Variants in RAB28 observed in about 807,000 individuals in gnomAD.
The protein encoded by RAB28 is ras-related protein Rab-28.
Under a neutral mutation model 31.7 loss-of-function variants are expected in RAB28, and 24 were observed. The ratio of observed to expected loss-of-function variants is 0.76; its 90% CI spans 0.55 to 1.06. The LOEUF is 1.06. RAB28 is among the 50% of genes least tolerant of loss of function. The pLI is 0.00. For missense variants in RAB28, 254 were observed against 258.5 expected, an observed-to-expected ratio of 0.98 and a Z score of 0.12; for synonymous variants, 100 against 90.4, an observed-to-expected ratio of 1.11 and a Z score of -0.60.
chr4:13,419,174 G>T (rs184572854), intron 4 of RAB28, among the ~76,000 whole-genome samples: 17 of 152,182 alleles, frequency 1.1e-4, no homozygotes, highest in African/African-American at 3.9e-4. Flanking sequence ...TAATGGTAAA[G>T]GGATCAATTC....
At chr4:13,411,948 CA>C (rs1373619585) in intron 4 of RAB28, among the ~76,000 whole-genome samples, 1 of 148,560 alleles carries the variant, frequency 6.7e-6, no homozygotes, top group African/African-American at 2.5e-5. Context: ...TTATGAGAGA[CA>C]AAATGATTCT....
At chr4:13,419,001 G>A (rs917220866) in intron 4 of RAB28, among the ~76,000 whole-genome samples, 11 of 152,084 alleles carry the variant, frequency 7.2e-5, no homozygotes, top group Non-Finnish European at 1.3e-4. Flanking sequence ...GTATTCAGGA[G>A]ACCCATCTCA....
intron 4 of RAB28, among the ~76,000 whole-genome samples, chr4:13,433,645 T>A (rs962347755): frequency 8.6e-5 from 13 of 150,950 alleles, no homozygotes; most frequent in Non-Finnish European, 1.9e-4. Flanking sequence ...ATTGAAAAGT[T>A]AAAAAAAAAT....
intron 4 of RAB28, among the ~76,000 whole-genome samples, chr4:13,391,027 A>T (rs1012630138): frequency 9.2e-5 from 14 of 152,328 alleles, no homozygotes; most frequent in Admixed American, 9.1e-4. Context: ...ACCAAAAGCA[A>T]TGGCAACAAA....
At chr4:13,412,513 G>A (rs1712498360) in intron 4 of RAB28, among the ~76,000 whole-genome samples, 1 of 152,078 alleles carries the variant, frequency 6.6e-6, no homozygotes, top group Admixed American at 6.6e-5. Flanking sequence ...TGACCTCTCT[G>A]TTCTAAGAGC....
chr4:13,397,143 C>T (rs1429054547), intron 4 of RAB28, among the ~76,000 whole-genome samples: 1 of 151,992 alleles, frequency 6.6e-6, no homozygotes, highest in East Asian at 1.9e-4. Context: ...CTACACAGGG[C>T]TGAAAATTAA....
chr4:13,460,019 A>C, intron 4 of RAB28: 3 of 684,650 alleles, frequency 4.4e-6, no homozygotes, highest in South Asian at 3.0e-5. Flanking sequence ...CCACGCATCA[A>C]AACAGTTATT....
intron 4 of RAB28, among the ~76,000 whole-genome samples, chr4:13,413,737 C>T (rs1191106230): frequency 6.6e-6 from 1 of 151,622 alleles, no homozygotes; most frequent in East Asian, 1.9e-4. Flanking sequence ...GGATATAATC[C>T]CAGATGAGGA....
At chr4:13,384,235 C>T (rs767929426) in intron 4 of RAB28, among the ~76,000 whole-genome samples, 2 of 152,202 alleles carry the variant, frequency 1.3e-5, no homozygotes, top group African/African-American at 2.4e-5. Context: ...CACCCGACCC[C>T]CATGCTAATA....
chr4:13,412,121 T>C (rs1239208750), intron 4 of RAB28, among the ~76,000 whole-genome samples: 1 of 151,846 alleles, frequency 6.6e-6, no homozygotes, highest in African/African-American at 2.4e-5. Context: ...GCAAATTCAG[T>C]CAAGGTAAAC....
intron 4 of RAB28, among the ~76,000 whole-genome samples, chr4:13,407,223 A>G (rs903180697): frequency 3.3e-5 from 5 of 152,208 alleles, no homozygotes; most frequent in African/African-American, 1.2e-4. Flanking sequence ...TTTTCTGCAT[A>G]TGGCTAGCCA....
chr4:13,368,410 T>C lies in RAB28; in HGVS notation c.*148A>G, dbSNP rs527281057. ...AAATCCAAGGAGCTGCCTGCCACTG[T>C]GAGGCAATAGCAATGATGAAGCAAG... is the stretch of plus-strand genomic sequence containing the variant. On this transcript the variant is annotated 3_prime_UTR_variant, in exon 7 of 7. Coordinates refer to ENST00000330852, the MANE Select transcript of RAB28 (RefSeq NM_001017979.3). 2.1e-3 allele frequency: 2,693 copies of C among 1,274,058 alleles called. 1 individual carries two copies. Among genetic ancestry groups the C allele is most frequent in the Middle Eastern group, 4.5e-3 (17 of 3,814 alleles). 78.9% of individuals were successfully genotyped at this position (1,274,058 alleles called of 1,614,324 possible). A position where few individuals can be genotyped will look rare whatever the true frequency, so the allele number is the denominator to read the frequency against.
At chr4:13,442,555 T>G (rs755173467) in intron 4 of RAB28, among the ~76,000 whole-genome samples, 47 of 151,878 alleles carry the variant, frequency 3.1e-4, no homozygotes, top group Non-Finnish European at 6.2e-4. Context: ...AACCAAAATT[T>G]TAATCATTAT....
intron 4 of RAB28, among the ~76,000 whole-genome samples, chr4:13,404,851 AC>A (rs1177127038): frequency 6.6e-6 from 1 of 151,990 alleles, no homozygotes; most frequent in Non-Finnish European, 1.5e-5. Context: ...TTTTAACAAT[AC>A]TAACCAGTTT....
At chr4:13,462,425 T>C (rs1254172202) in intron 3 of RAB28, among the ~76,000 whole-genome samples, 1 of 152,204 alleles carries the variant, frequency 6.6e-6, no homozygotes, top group African/African-American at 2.4e-5. Context: ...ATTAGGCATA[T>C]AATACCTTTG....
In RAB28 at chr4:13,479,605, A is replaced by G. The variant is rs59954844; in HGVS notation, c.76-79T>C. The G allele has an allele frequency of 2.5e-3, 2,404 of 951,986 alleles. 43 individuals are homozygous for G. In the African/African-American group the frequency reaches 0.035, roughly 14 times the overall value. The allele number at this position is 951,986 out of a possible 1,614,324, so 59.0% of individuals were successfully genotyped here. On this transcript the variant is annotated intron_variant, in intron 1 of 6. Coordinates refer to ENST00000330852, the MANE Select transcript of RAB28 (RefSeq NM_001017979.3). Reference sequence around the variant, plus strand: ...ATAAGACCACTATAAATCTTAAGCAATCTTAACATGTATATTGCAATTAAT... The same window carrying G: ...ATAAGACCACTATAAATCTTAAGCAGTCTTAACATGTATATTGCAATTAAT...
intron 4 of RAB28, chr4:13,459,849 G>C (rs1027943946): frequency 7.8e-7 from 1 of 1,288,006 alleles, no homozygotes. Flanking sequence ...CTCTGGGACA[G>C]AGCTGAAACT....
chr4:13,468,853 G>C (rs1233685752), intron 3 of RAB28, among the ~76,000 whole-genome samples: 2 of 150,290 alleles, frequency 1.3e-5, no homozygotes, highest in Admixed American at 1.3e-4. Context: ...GGGAGGGAGA[G>C]AGAAGACACA....
intron 4 of RAB28, among the ~76,000 whole-genome samples, chr4:13,386,865 G>A (rs1045321524): frequency 6.6e-6 from 1 of 152,130 alleles, no homozygotes; most frequent in Non-Finnish European, 1.5e-5. Flanking sequence ...GTCATTGACA[G>A]ATTGGATAAA....
Sources: gnomAD v4.1 joint callset for allele counts (sites outside exome capture counted in the v4.1 genomes callset) on GRCh38, gnomAD v4.1.1 for gene constraint, MANE v1.5 for transcripts, NCBI Gene and HGNC (gene_info 2026-07-23, HGNC 2026-07-21) for gene names.